The following ARMC9 variants were observed in gnomAD, a reference collection of about 807,000 sequenced individuals.
The protein encoded by ARMC9 is armadillo repeat containing 9.
In ARMC9, 94 loss-of-function variants were observed where a neutral mutation model predicts 107.0. That is an observed-to-expected ratio of 0.88 (90% CI 0.74 to 1.04). The LOEUF is 1.04. ARMC9 is among the 50% of genes least tolerant of loss of function. The probability of loss-of-function intolerance (pLI) is 0.00; values close to 1 mark genes in which losing one functional copy is unlikely to be tolerated. For missense variants in ARMC9, 942 were observed against 1,030.1 expected, an observed-to-expected ratio of 0.91 and a Z score of 1.17; for synonymous variants, 380 against 396.9, an observed-to-expected ratio of 0.96 and a Z score of 0.51.
chr2:231,368,905 G>A (rs895042670), intron 23 of ARMC9, among the ~76,000 whole-genome samples: 1 of 152,132 alleles, frequency 6.6e-6, no homozygotes, highest in Non-Finnish European at 1.5e-5. Flanking sequence ...TTACAGGCAT[G>A]AGCCACCGCG....
intron 21 of ARMC9, chr2:231,345,315 G>C (rs953256246): frequency 1.4e-6 from 1 of 729,876 alleles, no homozygotes; most frequent in African/African-American, 1.9e-5. Flanking sequence ...AGGATCTCCA[G>C]GGCCACTTCA....
rs2125604990 is a variant in ARMC9, at chr2:231,376,437, T to TGGTC, written c.*4904_*4907dup. Among the ~76,000 whole-genome samples the TGGTC allele has an allele frequency of 6.6e-6, 1 of 152,192 alleles. No individual in the cohort carries two copies. The highest frequency in any genetic ancestry group is 2.4e-5 in the African/African-American group (1 of 41,508). On this transcript the variant is annotated 3_prime_UTR_variant, in exon 25 of 25. Transcript: ENST00000611582. ...AACTGGCCCCCCTCCCCCGGGGGCG[T>TGGTC]GGTCGTCTCTTATGGTCGAGGCTGC...
intron 12 of ARMC9, chr2:231,270,476 C>T (rs539885053): frequency 5.3e-6 from 2 of 375,630 alleles, no homozygotes; most frequent in East Asian, 7.4e-5. Context: ...CCACAGTGCC[C>T]GTTGCTGCCT....
intron 12 of ARMC9, among the ~76,000 whole-genome samples, chr2:231,264,111 G>A (rs1462049322): frequency 6.6e-6 from 1 of 152,132 alleles, no homozygotes; most frequent in South Asian, 2.1e-4. Flanking sequence ...TGTCAAAAAG[G>A]CAGTGACCTC....
At chr2:231,355,571 C>T (rs2045306542) in intron 21 of ARMC9, among the ~76,000 whole-genome samples, 1 of 152,220 alleles carries the variant, frequency 6.6e-6, no homozygotes, top group South Asian at 2.1e-4. Flanking sequence ...CCATGTATCA[C>T]TGTGAATACA....
intron 14 of ARMC9, among the ~76,000 whole-genome samples, chr2:231,274,106 A>G (rs2039566257): frequency 6.6e-6 from 1 of 152,076 alleles, no homozygotes; most frequent in Admixed American, 6.6e-5. Flanking sequence ...GTACTCCATT[A>G]TGGCTACATC....
intron 19 of ARMC9, among the ~76,000 whole-genome samples, chr2:231,322,980 C>T (rs2043080620): frequency 6.6e-6 from 1 of 152,162 alleles, no homozygotes; most frequent in Admixed American, 6.5e-5. Flanking sequence ...GCCCTTGTCG[C>T]CCAGTGCACC....
In ARMC9 at chr2:231,360,865, G is replaced by A; in HGVS notation, c.2243G>A (p.Gly748Asp). 6.5e-7 allele frequency: 1 copy of A among 1,533,466 alleles called. No homozygotes were observed. Among genetic ancestry groups the A allele is most frequent in the Non-Finnish European group, 8.7e-7 (1 of 1,145,670 alleles). 95.0% of individuals were successfully genotyped at this position (1,533,466 alleles called of 1,614,324 possible). A position where few individuals can be genotyped will look rare whatever the true frequency, so the allele number is the denominator to read the frequency against. ...RQPREAPQDP[G>D]NGVTTRECAS... ...CCAAGGGAGGCGCCCCAGGACCCAG[G>A]CAATGGAGTGACCACCAGGTAAGGG... Residue 748 changes from glycine (G) to aspartate (D), a missense_variant, in exon 23 of 25, where the codon GGC becomes GAC. Transcript: ENST00000611582. This position sits in a 1 kb window ranked among gnomAD's most constrained non-coding sequence, Gnocchi z 4.7.
At chr2:231,272,714 C>T (rs1014233697) in intron 13 of ARMC9, among the ~76,000 whole-genome samples, 1 of 151,980 alleles carries the variant, frequency 6.6e-6, no homozygotes, top group Admixed American at 6.6e-5. Context: ...CGGGGTTTCA[C>T]CATGTTGGCC....
intron 16 of ARMC9, among the ~76,000 whole-genome samples, chr2:231,281,245 T>C (rs1192243066): frequency 6.7e-6 from 1 of 150,146 alleles, no homozygotes; most frequent in African/African-American, 2.4e-5. Flanking sequence ...GGGGGTGGGT[T>C]CAGGAGAGCC....
At chr2:231,339,154 TC>T (rs1159009079) in intron 20 of ARMC9, among the ~76,000 whole-genome samples, 3 of 148,088 alleles carry the variant, frequency 2.0e-5, no homozygotes, top group Non-Finnish European at 4.5e-5. Flanking sequence ...ATGGTGAAAC[TC>T]CGTCTCTACT....
intron 20 of ARMC9, among the ~76,000 whole-genome samples, chr2:231,340,961 G>A (rs1252964147): frequency 1.3e-5 from 2 of 152,094 alleles, no homozygotes; most frequent in Non-Finnish European, 2.9e-5. Context: ...CCAGTGCTTT[G>A]GGAGGCTGAG....
intron 18 of ARMC9, among the ~76,000 whole-genome samples, chr2:231,292,805 C>T (rs1445738145): frequency 1.3e-5 from 2 of 152,276 alleles, no homozygotes; most frequent in East Asian, 3.8e-4. Context: ...CTCAAGAGAG[C>T]TGCTTGGCCA....
chr2:231,217,445 G>A (rs73086100), intron 5 of ARMC9, among the ~76,000 whole-genome samples: 6,372 of 151,906 alleles, frequency 0.042, 368 homozygotes, highest in African/African-American at 0.13. Flanking sequence ...TTAGCCGGGT[G>A]TGTAATTCCA....
chr2:231,304,553 G>A (rs1292378998), intron 19 of ARMC9, among the ~76,000 whole-genome samples: 2 of 152,042 alleles, frequency 1.3e-5, no homozygotes, highest in Non-Finnish European at 2.9e-5. Context: ...GTGCCACCAC[G>A]CCTGGCTAAT....
chr2:231,368,421 C>T (rs966930003), intron 23 of ARMC9, among the ~76,000 whole-genome samples: 4 of 152,134 alleles, frequency 2.6e-5, no homozygotes, highest in African/African-American at 7.2e-5. Flanking sequence ...TTATTAAATC[C>T]GAGTATATCA....
intron 12 of ARMC9, among the ~76,000 whole-genome samples, chr2:231,266,384 T>C (rs1334132418): frequency 6.6e-6 from 1 of 152,220 alleles, no homozygotes; most frequent in Non-Finnish European, 1.5e-5. Flanking sequence ...TTTAATGAAA[T>C]TGTAGAGAAC....
intron 24 of ARMC9, 56 bp from the exon 25 acceptor site, chr2:231,371,457 G>T: frequency 7.7e-7 from 1 of 1,298,852 alleles, no homozygotes; most frequent in Non-Finnish European, 9.8e-7. Flanking sequence ...GGGACAGAGG[G>T]GATTCTGTGC....
chr2:231,243,440 T>A (rs186475086), intron 9 of ARMC9, among the ~76,000 whole-genome samples: 39 of 152,138 alleles, frequency 2.6e-4, no homozygotes, highest in African/African-American at 8.9e-4. Flanking sequence ...GATGACATGT[T>A]ATTAAGCACG....
Sources: allele counts gnomAD v4.1 joint callset (sites outside exome capture counted in the v4.1 genomes callset), GRCh38; gene constraint gnomAD v4.1.1; non-coding constraint Gnocchi (gnomAD v3.1); transcripts MANE v1.5; gene names NCBI Gene and HGNC (gene_info 2026-07-23, HGNC 2026-07-21).